FAF1: variants seen among roughly 807,000 people sequenced by gnomAD.
FAF1 encodes Fas associated factor 1, also known as FAS-associated factor 1.
A neutral mutation model predicts 92.5 loss-of-function variants in FAF1; 25 were observed. That is an observed-to-expected ratio of 0.27 (90% confidence interval 0.20 to 0.38). The LOEUF (loss-of-function observed/expected upper bound fraction) is 0.38, where lower values mean the gene tolerates loss of function less well. FAF1 is among the 10% of genes least tolerant of loss of function. The pLI is 1.00. For missense variants in FAF1, 636 were observed against 793.3 expected (o/e 0.80, Z 2.38); for synonymous variants, 234 against 273.2 (o/e 0.86, Z 1.42).
intron 7 of FAF1, among the ~76,000 whole-genome samples, chr1:50,658,351 A>C (rs1414512654): frequency 1.3e-5 from 2 of 152,212 alleles, no homozygotes; most frequent in African/African-American, 4.8e-5. Flanking sequence ...AAGCTACCCT[A>C]GCATTGTAAA....
chr1:50,519,450 G>GGAGA (rs1433594021), intron 15 of FAF1, among the ~76,000 whole-genome samples: 12 of 149,512 alleles, frequency 8.0e-5, no homozygotes, highest in African/African-American at 3.0e-4. Context: ...GAGGAGGGAA[G>GGAGA]GAGGGAGGGA....
chr1:50,684,965 A>C (rs137971972), intron 7 of FAF1, among the ~76,000 whole-genome samples: 2 of 152,352 alleles, frequency 1.3e-5, no homozygotes, highest in African/African-American at 4.8e-5. Context: ...ATGAGGCACA[A>C]TATCACTGTG....
At chr1:50,661,185 C>T (rs1226228827) in intron 7 of FAF1, among the ~76,000 whole-genome samples, 1 of 152,024 alleles carries the variant, frequency 6.6e-6, no homozygotes, top group Non-Finnish European at 1.5e-5. Context: ...TTAAAAAACA[C>T]TAATATTTTC....
intron 1 of FAF1, among the ~76,000 whole-genome samples, chr1:50,883,332 G>GT (rs1428132906): frequency 6.6e-6 from 1 of 152,124 alleles, no homozygotes. Context: ...AAATGCTAAA[G>GT]TATCACCCCC....
At chr1:50,460,883 G>A (rs1324087094) in intron 18 of FAF1, among the ~76,000 whole-genome samples, 2 of 152,050 alleles carry the variant, frequency 1.3e-5, no homozygotes, top group Admixed American at 1.3e-4. Context: ...AAATTCCTGG[G>A]CTCAAGCCTT....
intron 1 of FAF1, among the ~76,000 whole-genome samples, chr1:50,883,831 T>C (rs1010942968): frequency 6.6e-6 from 1 of 152,152 alleles, no homozygotes; most frequent in Non-Finnish European, 1.5e-5. Context: ...GTATTGAGTA[T>C]ACGGGAAATT....
chr1:50,730,681 T>G (rs1193146922), intron 6 of FAF1, among the ~76,000 whole-genome samples: 1 of 152,226 alleles, frequency 6.6e-6, no homozygotes, highest in Non-Finnish European at 1.5e-5. Flanking sequence ...TCCAGTTCTA[T>G]ACTATACCCA....
intron 7 of FAF1, among the ~76,000 whole-genome samples, chr1:50,672,471 T>C (rs1467650748): frequency 1.3e-5 from 2 of 152,062 alleles, no homozygotes; most frequent in Non-Finnish European, 2.9e-5. Flanking sequence ...TTTGTAGCAA[T>C]GGGATTTCGC....
intron 18 of FAF1, among the ~76,000 whole-genome samples, chr1:50,456,931 T>A (rs1488240996): frequency 6.6e-6 from 1 of 152,168 alleles, no homozygotes; most frequent in Non-Finnish European, 1.5e-5. Flanking sequence ...GTTTAAAAAA[T>A]GTATATCTTA....
intron 2 of FAF1, among the ~76,000 whole-genome samples, chr1:50,830,911 AACC>A (rs1233062410): frequency 1.3e-5 from 2 of 152,178 alleles, no homozygotes; most frequent in Non-Finnish European, 2.9e-5. Context: ...AAAACTTGAA[AACC>A]ACCAAAACAT....
intron 13 of FAF1, among the ~76,000 whole-genome samples, chr1:50,565,607 T>C (rs1650143756): frequency 6.6e-6 from 1 of 152,044 alleles, no homozygotes; most frequent in African/African-American, 2.4e-5. Context: ...ACTTCTTTAG[T>C]AAAACATAAC....
chr1:50,525,445 GT>G (rs536046153), intron 15 of FAF1, among the ~76,000 whole-genome samples: 2 of 152,132 alleles, frequency 1.3e-5, no homozygotes, highest in South Asian at 2.1e-4. Context: ...TTTAAGCTCA[GT>G]TTTTTTGTTG....
intron 18 of FAF1, among the ~76,000 whole-genome samples, chr1:50,459,012 C>T (rs1572755650): frequency 2.0e-5 from 3 of 151,442 alleles, no homozygotes; most frequent in Admixed American, 2.0e-4. Context: ...TGTTCTGTCA[C>T]CCAGGCTGGA....
chr1:50,868,047 G>C (rs1422207844), intron 1 of FAF1, among the ~76,000 whole-genome samples: 1 of 152,142 alleles, frequency 6.6e-6, no homozygotes, highest in Admixed American at 6.5e-5. Flanking sequence ...AGGAGTTGAA[G>C]ACCATCATTC....
intron 18 of FAF1, among the ~76,000 whole-genome samples, chr1:50,472,520 A>T (rs1237393519): frequency 6.6e-6 from 1 of 151,946 alleles, no homozygotes; most frequent in Non-Finnish European, 1.5e-5. Flanking sequence ...TACAGTGCTC[A>T]GTTCAGGGAA....
chr1:50,737,931 A>G (rs1482614825), intron 6 of FAF1, among the ~76,000 whole-genome samples: 1 of 152,186 alleles, frequency 6.6e-6, no homozygotes, highest in Non-Finnish European at 1.5e-5. Context: ...CTAAAAATAA[A>G]CATAGTTCTG....
chr1:50,852,908 T>G (rs565876669), intron 2 of FAF1, among the ~76,000 whole-genome samples: 80 of 152,118 alleles, frequency 5.3e-4, no homozygotes, highest in Non-Finnish European at 8.8e-4. Context: ...ACAGAGAAAT[T>G]GAAAAATTTT....
chr1:50,541,378 C>T (rs1648749298), intron 13 of FAF1, among the ~76,000 whole-genome samples: 1 of 152,126 alleles, frequency 6.6e-6, no homozygotes, highest in Non-Finnish European at 1.5e-5. Flanking sequence ...TTCTCACATT[C>T]CACAACTATG....
intron 17 of FAF1, among the ~76,000 whole-genome samples, chr1:50,488,008 T>C (rs185087863): frequency 6.6e-6 from 1 of 152,306 alleles, no homozygotes; most frequent in East Asian, 1.9e-4. Context: ...ATGTTAATTG[T>C]TGTTCCATTT....
Sources: allele counts gnomAD v4.1 joint callset (sites outside exome capture counted in the v4.1 genomes callset), GRCh38; gene constraint gnomAD v4.1.1; transcripts MANE v1.5; gene names NCBI Gene and HGNC (gene_info 2026-07-23, HGNC 2026-07-21).